The following DNAH14 variants were observed in gnomAD, a reference collection of about 807,000 sequenced individuals.
The protein encoded by DNAH14 is dynein axonemal heavy chain 14.
A neutral mutation model predicts 520.9 loss-of-function variants in DNAH14; 478 were observed. That is an observed-to-expected ratio of 0.92 (90% CI 0.85 to 0.99). The LOEUF is 0.99. DNAH14 is among the 50% of genes least tolerant of loss of function. DNAH14 has a pLI of 0.00. For synonymous variants in DNAH14, 1,581 were observed against 1,757.2 expected (o/e 0.90, Z 2.51); for missense variants, 4,831 against 5,234.5 (o/e 0.92, Z 2.38).
chr1:225,297,340 A>T lies in DNAH14; in HGVS notation c.8470-3529A>T, dbSNP rs550332537. On this transcript the variant is annotated intron_variant, in intron 55 of 85. Transcript: ENST00000682510. ...CATTTCTTTAAGATTATTCTTTTAC[A>T]TTTTTTTTCTGTCATTTTGTATATT... is the stretch of plus-strand genomic sequence containing the variant. Among the ~76,000 whole-genome samples the T allele has an allele frequency of 2.7e-5, 4 of 150,578 alleles. No homozygotes were observed. In the East Asian group the frequency reaches 7.9e-4, roughly 30 times the overall value.
intron 54 of DNAH14, among the ~76,000 whole-genome samples, chr1:225,289,257 T>C (rs2093812943): frequency 6.6e-6 from 1 of 152,108 alleles, no homozygotes; most frequent in Non-Finnish European, 1.5e-5. Flanking sequence ...TCAATAGAGA[T>C]GAAAACATAT....
chr1:225,027,769 C>T (rs377473260), intron 11 of DNAH14, among the ~76,000 whole-genome samples: 3 of 152,180 alleles, frequency 2.0e-5, no homozygotes, highest in East Asian at 3.9e-4. Flanking sequence ...AATTACAATT[C>T]GGCATGAGAT....
At chr1:225,365,863 T>C (rs763740876) in intron 76 of DNAH14, among the ~76,000 whole-genome samples, 1 of 152,188 alleles carries the variant, frequency 6.6e-6, no homozygotes, top group Non-Finnish European at 1.5e-5. Context: ...TCTTAAGTAG[T>C]CCATCGCTCC....
chr1:225,003,985 A>G (rs111508263), intron 9 of DNAH14, among the ~76,000 whole-genome samples: 10 of 152,234 alleles, frequency 6.6e-5, no homozygotes, highest in African/African-American at 2.2e-4. Context: ...AAATGCCACC[A>G]AATGATAGAG....
intron 21 of DNAH14, among the ~76,000 whole-genome samples, 193 bp downstream of exon 21, chr1:225,085,982 A>G (rs184791843): frequency 2.0e-5 from 3 of 152,190 alleles, no homozygotes; most frequent in Admixed American, 1.3e-4. Context: ...TCATGAGAAA[A>G]TGTCAAAGTT....
chr1:225,166,534 T>C (rs1476215146), intron 35 of DNAH14, among the ~76,000 whole-genome samples: 1 of 152,224 alleles, frequency 6.6e-6, no homozygotes, highest in Non-Finnish European at 1.5e-5. Flanking sequence ...AATGTTGCAT[T>C]TTTGATGGCT....
intron 80 of DNAH14, 84 bp downstream of exon 80, chr1:225,380,406 A>T: frequency 7.1e-7 from 1 of 1,398,930 alleles, no homozygotes; most frequent in African/African-American, 1.5e-5. Context: ...TAAAGATAAG[A>T]CAAAAATTCT....
At chr1:224,964,674 T>TA in intron 5 of DNAH14, 65 bp downstream of exon 5, 1 of 1,294,046 alleles carries the variant, frequency 7.7e-7, no homozygotes, top group Non-Finnish European at 1.0e-6. Context: ...TTTTAATTTT[T>TA]ATTTCATTTC....
At chr1:225,025,333 A>AAT (rs10653727) in intron 11 of DNAH14, among the ~76,000 whole-genome samples, 105,145 of 146,862 alleles carry the variant, frequency 0.72, 40,626 homozygotes, top group Non-Finnish European at 0.88. Flanking sequence ...TCTTATCTCA[A>AAT]ATATATATAT....
chr1:225,392,182 T>G (rs2095924860), intron 83 of DNAH14, 109 bp from the exon 84 acceptor site: 1 of 1,332,808 alleles, frequency 7.5e-7, no homozygotes. Context: ...TTGTTCTCTC[T>G]TTTTCCTCCA....
At chr1:225,208,904 T>A (rs1040023925) in intron 41 of DNAH14, among the ~76,000 whole-genome samples, 10 of 152,228 alleles carry the variant, frequency 6.6e-5, no homozygotes, top group Admixed American at 1.3e-4. Context: ...ATTCTCATAT[T>A]TGATATTGTG....
intron 23 of DNAH14, among the ~76,000 whole-genome samples, chr1:225,111,636 C>T (rs1476496820): frequency 1.3e-5 from 2 of 151,842 alleles, no homozygotes; most frequent in Non-Finnish European, 2.9e-5. Flanking sequence ...TCAGTGTTAT[C>T]ATTCATAAGT....
rs908315330 is a variant in DNAH14, at chr1:225,063,925, G to GA, written c.2424+12140dup. On this transcript the variant is annotated intron_variant, in intron 17 of 85. Coordinates refer to ENST00000682510, the MANE Select transcript of DNAH14 (RefSeq NM_001367479.1). ...CCAAAAAAAGATAAAGAATAAAAAA[G>GA]AAAAAAAAAAGAAATTTCACAGACT... Among the ~76,000 whole-genome samples the GA allele has an allele frequency of 3.2e-4, 47 of 145,320 alleles. 1 individual carries two copies. Among genetic ancestry groups the GA allele is most frequent in the East Asian group, 1.4e-3 (7 of 5,016 alleles).
intron 23 of DNAH14, among the ~76,000 whole-genome samples, chr1:225,107,941 T>C (rs2076208814): frequency 6.6e-6 from 1 of 152,146 alleles, no homozygotes; most frequent in African/African-American, 2.4e-5. Context: ...TAGTATTGAG[T>C]GTCAACTTTA....
Position 225,273,062 on chromosome 1 carries a change from T to C in DNAH14, c.7947T>C (p.Ile2649=), listed in dbSNP as rs1005334857. Residue 2649 remains isoleucine (I), a synonymous_variant, in exon 52 of 86, where the codon ATT becomes ATC. Transcript: ENST00000682510. The part of the protein sequence containing the change: ...EATRVFHDRL[I]DFTDKSLFYR... ...CCCGAGTATTTCACGATCGCTTAAT[T>C]GATTTCACTGATAAAAGCCTTTTCT... 1.9e-6 allele frequency: 3 copies of C among 1,551,670 alleles called. No homozygotes were observed. In the East Asian group the frequency reaches 7.3e-5, roughly 38 times the overall value.
chr1:225,106,092 C>T (rs1031822143), intron 23 of DNAH14, among the ~76,000 whole-genome samples: 6 of 147,880 alleles, frequency 4.1e-5, no homozygotes, highest in Non-Finnish European at 5.9e-5. Context: ...GACAAAATCT[C>T]TCAGCATTTG....
At chr1:225,263,857 A>G (rs2093022563) in intron 46 of DNAH14, among the ~76,000 whole-genome samples, 1 of 152,114 alleles carries the variant, frequency 6.6e-6, no homozygotes, top group African/African-American at 2.4e-5. Context: ...CAAGACCAAA[A>G]TAAGATGAAT....
chr1:225,258,182 C>G, intron 45 of DNAH14, 64 bp downstream of exon 45: 1 of 1,341,468 alleles, frequency 7.5e-7, no homozygotes, highest in Non-Finnish European at 9.7e-7. Flanking sequence ...GATATTTGGT[C>G]TAACTATCTT....
Position 225,208,630 on chromosome 1 carries a change from C to T in DNAH14, c.6439+1410C>T, listed in dbSNP as rs557294858. Among the ~76,000 whole-genome samples the T allele has an allele frequency of 7.2e-5, 11 of 152,054 alleles. No homozygotes were observed. The South Asian group carries it at 2.1e-3, about 29-fold the overall frequency. On this transcript the variant is annotated intron_variant, in intron 41 of 85. Coordinates refer to ENST00000682510, the MANE Select transcript of DNAH14 (RefSeq NM_001367479.1). ...GAAGAAATGTTTCAGGAAATAATTG[C>T]CTAGGAGTTCAGAGAATTAGAGAAA... is the stretch of plus-strand genomic sequence containing the variant.
Sources: gnomAD v4.1 joint callset for allele counts (sites outside exome capture counted in the v4.1 genomes callset) on GRCh38, gnomAD v4.1.1 for gene constraint, MANE v1.5 for transcripts, NCBI Gene and HGNC (gene_info 2026-07-23, HGNC 2026-07-21) for gene names.